Variants in PDE1C observed in about 807,000 individuals in gnomAD.
PDE1C encodes dual specificity calcium/calmodulin-dependent 3',5'-cyclic nucleotide phosphodiesterase 1C.
In PDE1C, 62 loss-of-function variants were observed where a neutral mutation model predicts 93.1. The observed-to-expected ratio is 0.67, with a 90% CI of 0.54 to 0.82. PDE1C has a LOEUF of 0.82. Ranked by LOEUF, PDE1C falls within the 40% of genes least tolerant of loss-of-function variation. PDE1C has a pLI of 0.00. For synonymous variants in PDE1C, 325 were observed against 310.1 expected (o/e 1.05, Z -0.50); for missense variants, 742 against 884.6 (o/e 0.84, Z 2.04).
intron 3 of PDE1C, among the ~76,000 whole-genome samples, chr7:32,078,671 T>A (rs1316411975): frequency 3.9e-5 from 6 of 152,118 alleles, no homozygotes; most frequent in Non-Finnish European, 8.8e-5. Context: ...ACACCTATAA[T>A]CCCGGCACTT....
intron 3 of PDE1C, among the ~76,000 whole-genome samples, chr7:32,131,276 C>T (rs777798966): frequency 1.8e-4 from 27 of 152,106 alleles, no homozygotes; most frequent in Non-Finnish European, 3.8e-4. Context: ...GCCAGACAGA[C>T]GTTTTTGCCA....
chr7:31,988,335 C>T (rs994423223), intron 2 of PDE1C, among the ~76,000 whole-genome samples: 1 of 152,160 alleles, frequency 6.6e-6, no homozygotes. Context: ...CAGCCAGAGC[C>T]ATGACCAAAG....
chr7:32,264,643 T>C (rs1810442056), intron 1 of PDE1C, among the ~76,000 whole-genome samples: 1 of 152,228 alleles, frequency 6.6e-6, no homozygotes, highest in Non-Finnish European at 1.5e-5. Context: ...ATGCAGCCCA[T>C]GTGGAATGCT....
intron 11 of PDE1C, among the ~76,000 whole-genome samples, chr7:31,833,382 A>G (rs1790668849): frequency 6.6e-6 from 1 of 152,170 alleles, no homozygotes; most frequent in Non-Finnish European, 1.5e-5. Context: ...CTATAAAGAT[A>G]CCTGATATGT....
the PDE1C span, among the ~76,000 whole-genome samples, chr7:31,713,966 A>G: frequency 2.0e-5 from 3 of 152,296 alleles, no homozygotes; most frequent in East Asian, 5.8e-4. Flanking sequence ...GGTCTCTGAC[A>G]TGCCCTAGAG....
chr7:31,724,829 G>A, the PDE1C span, among the ~76,000 whole-genome samples: 10 of 152,244 alleles, frequency 6.6e-5, no homozygotes, highest in Middle Eastern at 3.4e-3. Flanking sequence ...TGGGCTGTGC[G>A]CTAAGGGTTG....
the PDE1C span, among the ~76,000 whole-genome samples, chr7:31,731,639 C>T: frequency 2.0e-5 from 3 of 152,276 alleles, no homozygotes; most frequent in East Asian, 3.9e-4. Flanking sequence ...CCACCCTCCT[C>T]GGCCTCCCAA....
At chr7:32,268,020 C>T (rs1374612676) in intron 1 of PDE1C, among the ~76,000 whole-genome samples, 2 of 152,194 alleles carry the variant, frequency 1.3e-5, no homozygotes, top group African/African-American at 4.8e-5. Flanking sequence ...GCACTGCTAA[C>T]AGGATCAGCC....
chr7:32,130,772 C>T (rs1259219708), intron 3 of PDE1C, among the ~76,000 whole-genome samples: 1 of 152,062 alleles, frequency 6.6e-6, no homozygotes, highest in Non-Finnish European at 1.5e-5. Flanking sequence ...CCATGCACAT[C>T]ATGTTGAAGA....
rs1789947048 is a variant in PDE1C, at chr7:31,828,306, G to A, written c.1271C>T (p.Ala424Val). Reference sequence around the variant, plus strand: ...CAAACACGTACCTACTTGTGACTGAGCAACCATAGTGGACTTTCGGTCACA... The same window carrying A: ...CAAACACGTACCTACTTGTGACTGAACAACCATAGTGGACTTTCGGTCACA... ...PLCDRKSTMV[A>V]QSQVGFIDFI... The change falls in exon 12 of 18, where the codon GCT becomes GTT. Residue 424 changes from alanine to valine, a missense_variant. Coordinates refer to ENST00000396191, the MANE Select transcript of PDE1C (RefSeq NM_001191057.4). 2 of 1,612,308 alleles carry A rather than the reference G, an allele frequency of 1.2e-6. No homozygotes were observed. Among genetic ancestry groups the A allele is most frequent in the Non-Finnish European group, 1.7e-6 (2 of 1,178,722 alleles).
intron 1 of PDE1C, among the ~76,000 whole-genome samples, chr7:32,372,517 G>T (rs1438496440): frequency 6.6e-6 from 1 of 152,106 alleles, no homozygotes. Context: ...AACTGTAAAA[G>T]CTACAACTAC....
intron 16 of PDE1C, among the ~76,000 whole-genome samples, chr7:31,778,214 C>T (rs187728793): frequency 6.6e-6 from 1 of 152,152 alleles, no homozygotes; most frequent in Non-Finnish European, 1.5e-5. Context: ...CCAGTGGATG[C>T]CCGTCGCATT....
chr7:31,972,019 T>A (rs192585467), intron 2 of PDE1C, among the ~76,000 whole-genome samples: 112 of 152,324 alleles, frequency 7.4e-4, no homozygotes, highest in Non-Finnish European at 1.3e-3. Context: ...TCTTGGACCA[T>A]CTGAATTGGA....
chr7:32,095,211 C>A (rs1417827522), intron 3 of PDE1C, among the ~76,000 whole-genome samples: 2 of 152,182 alleles, frequency 1.3e-5, no homozygotes, highest in Admixed American at 1.3e-4. Context: ...AACAATGTTC[C>A]ATGCTCAGCT....
the PDE1C span, among the ~76,000 whole-genome samples, chr7:31,687,921 A>G: frequency 6.6e-6 from 1 of 152,252 alleles, no homozygotes; most frequent in African/African-American, 2.4e-5. Context: ...ATGGTAAGCT[A>G]AGTGTCAACT....
At chr7:32,041,138 T>C (rs982871016) in intron 2 of PDE1C, among the ~76,000 whole-genome samples, 2 of 152,150 alleles carry the variant, frequency 1.3e-5, no homozygotes, top group Non-Finnish European at 1.5e-5. Flanking sequence ...GTGCCTCACA[T>C]AGACTATTTC....
intron 2 of PDE1C, among the ~76,000 whole-genome samples, chr7:32,012,364 C>T (rs990846915): frequency 8.5e-5 from 13 of 152,130 alleles, no homozygotes; most frequent in Non-Finnish European, 1.9e-4. Flanking sequence ...TATGTGAACT[C>T]ACTGAGTGAG....
At position 32,194,311 on chromosome 7, in the gene PDE1C, T is replaced by C. The variant is rs142856420; in HGVS notation, c.136+15178A>G. 3.9e-3 allele frequency among the ~76,000 whole-genome samples: 594 copies of C among 152,352 alleles called. 3 individuals are homozygous for C. The highest frequency in any genetic ancestry group is 0.013 in the African/African-American group (532 of 41,584). ...CCTTATTATCCTTTTGATATCTGCA[T>C]GGTCTGTGGTGATATCCCCTGTTTT... On this transcript the variant is annotated intron_variant, in intron 2 of 18. Transcript: ENST00000396193.
chr7:32,074,106 C>CT (rs1796219578), upstream of PDE1C, among the ~76,000 whole-genome samples: 1 of 152,222 alleles, frequency 6.6e-6, no homozygotes, highest in African/African-American at 2.4e-5. Context: ...CACAGAGTAA[C>CT]TAAGTCTATG....
Sources: allele counts gnomAD v4.1 joint callset (sites outside exome capture counted in the v4.1 genomes callset), GRCh38; gene constraint gnomAD v4.1.1; transcripts MANE v1.5; gene names NCBI Gene and HGNC (gene_info 2026-07-23, HGNC 2026-07-21).